ZNF146: variants seen among roughly 807,000 people sequenced by gnomAD.
ZNF146 encodes zinc finger protein 146.
Under a neutral mutation model 22.2 loss-of-function variants are expected in ZNF146, and 9 were observed. The ratio of observed to expected loss-of-function variants is 0.41; its 90% CI spans 0.24 to 0.71. ZNF146 has a LOEUF of 0.71. Ranked by LOEUF, ZNF146 falls within the 30% of genes least tolerant of loss-of-function variation. The pLI, the probability that ZNF146 is intolerant of heterozygous loss-of-function variation, is 0.34. For missense variants in ZNF146, 194 were observed against 344.8 expected, an observed-to-expected ratio of 0.56 and a Z score of 3.46; for synonymous variants, 108 against 119.2, an observed-to-expected ratio of 0.91 and a Z score of 0.61.
rs561131104 is a variant in ZNF146, at chr19:36,235,712, A to G, written c.-729A>G. On this transcript the variant is annotated 5_prime_UTR_variant, in exon 4 of 4. Coordinates refer to ENST00000443387, the MANE Select transcript of ZNF146 (RefSeq NM_007145.3). ...AGAGAGGCACCAGGACTTGAGAGGCACCAGGACTTGGGAGGCATGTTGATC... is the reference window on the plus strand; with the variant it reads ...AGAGAGGCACCAGGACTTGAGAGGCGCCAGGACTTGGGAGGCATGTTGATC... 3 of 152,414 alleles carry G rather than the reference A, an allele frequency of 2.0e-5. No homozygotes were observed. The South Asian group carries it at 6.2e-4, about 32-fold the overall frequency. The allele number at this position is 152,414 out of a possible 1,614,324, so 9.4% of individuals were successfully genotyped here. A position where few individuals can be genotyped will look rare whatever the true frequency, so the allele number is the denominator to read the frequency against.
chr19:36,221,280 ACTG>A (rs1976823195), intron 2 of ZNF146, among the ~76,000 whole-genome samples: 2 of 136,436 alleles, frequency 1.5e-5, no homozygotes, highest in East Asian at 4.3e-4. Context: ...AGGTTAAGGG[ACTG>A]CTTTTTTTTT....
chr19:36,228,174 A>AAAAAG lies in ZNF146; in HGVS notation c.-854-571_-854-570insAGAAA, dbSNP rs1555742407. ...AAACTGTCTCAAAAAAAAAAAAAAAAAAAGAAAGAATTTCACTCTCAGTAT... is the reference window on the plus strand; with the variant it reads ...AAACTGTCTCAAAAAAAAAAAAAAAAAAAAGAAAGAAAGAATTTCACTCTCAGTAT... On this transcript the variant is annotated intron_variant, in intron 2 of 3. Coordinates refer to ENST00000443387, the MANE Select transcript of ZNF146 (RefSeq NM_007145.3). Among the ~76,000 whole-genome samples, 126 of 144,296 alleles carry AAAAAG rather than the reference A, an allele frequency of 8.7e-4. 2 individuals carry two copies. Among genetic ancestry groups the AAAAAG allele is most frequent in the African/African-American group, 2.6e-3 (101 of 38,708 alleles). 94.7% of individuals were successfully genotyped at this position (144,296 alleles called of 152,430 possible).
In ZNF146 at chr19:36,234,343, G is replaced by A. The variant is rs1267225354; in HGVS notation, c.-782-1316G>A. Among the ~76,000 whole-genome samples, 8 of 141,242 alleles carry A rather than the reference G, an allele frequency of 5.7e-5. 1 individual carries two copies. In the East Asian group the frequency reaches 6.0e-4, roughly 11 times the overall value. 92.7% of individuals were successfully genotyped at this position (141,242 alleles called of 152,430 possible). ...TTTCTTTTCCCCACACAGCCTGGGCGACAGAGCAAGACTGTCTCAAAAAAA... is the reference window on the plus strand; with the variant it reads ...TTTCTTTTCCCCACACAGCCTGGGCAACAGAGCAAGACTGTCTCAAAAAAA... On this transcript the variant is annotated intron_variant, in intron 3 of 3. Transcript: ENST00000443387.
chr19:36,225,548 T>C (rs185178315), intron 2 of ZNF146, among the ~76,000 whole-genome samples: 74 of 152,116 alleles, frequency 4.9e-4, no homozygotes, highest in African/African-American at 1.7e-3. Flanking sequence ...CCTCCTAGGC[T>C]CAAGCAGTCC....
chr19:36,218,702 C>T (rs891078299), intron 2 of ZNF146, among the ~76,000 whole-genome samples: 2 of 152,088 alleles, frequency 1.3e-5, no homozygotes, highest in East Asian at 1.9e-4. Context: ...ATCTCCTGAC[C>T]TTGTGATCCA....
At chr19:36,230,356 C>T (rs1387681770) in intron 3 of ZNF146, among the ~76,000 whole-genome samples, 2 of 152,146 alleles carry the variant, frequency 1.3e-5, no homozygotes, top group African/African-American at 2.4e-5. Flanking sequence ...AAATTTCTTC[C>T]TCCTAGGGAC....
At chr19:36,216,273 AT>A (rs1486611013) in intron 1 of ZNF146, among the ~76,000 whole-genome samples, 12 of 152,216 alleles carry the variant, frequency 7.9e-5, no homozygotes, top group Non-Finnish European at 1.6e-4. Context: ...ACTAAGGGGC[AT>A]AACAAATGTG....
chr19:36,219,077 G>C (rs1228183623), intron 2 of ZNF146, among the ~76,000 whole-genome samples: 1 of 151,980 alleles, frequency 6.6e-6, no homozygotes, highest in East Asian at 1.9e-4. Flanking sequence ...CAAAGTGCTG[G>C]GATTACAGGC....
rs1977722377 is a variant in ZNF146, at chr19:36,238,386, A to C, written c.*1067A>C. On this transcript the variant is annotated 3_prime_UTR_variant, in exon 4 of 4. Transcript: ENST00000443387. ...GATAGTGGTCACCTGTGAAGAGTGG[A>C]GAAGGGAAAATAATGAGTGTGGGAG... 1 of 167,092 alleles carries C rather than the reference A, an allele frequency of 6.0e-6. No homozygotes were observed. Among genetic ancestry groups the C allele is most frequent in the South Asian group, 2.1e-4 (1 of 4,832 alleles). The allele number at this position is 167,092 out of a possible 1,614,324, so 10.4% of individuals were successfully genotyped here.
chr19:36,218,429 T>C (rs767673591), intron 2 of ZNF146, among the ~76,000 whole-genome samples: 24 of 152,110 alleles, frequency 1.6e-4, no homozygotes, highest in Non-Finnish European at 3.4e-4. Flanking sequence ...TGGTAGGAAT[T>C]TCTGAAAGAA....
chr19:36,228,202 T>A (rs59026641), intron 2 of ZNF146, among the ~76,000 whole-genome samples: 32,600 of 150,228 alleles, frequency 0.22, 3,586 homozygotes, highest in African/African-American at 0.23. Context: ...CTCAGTATAA[T>A]GCAAAGAGGG....
chr19:36,236,081 G>A lies in ZNF146; in HGVS notation c.-360G>A, dbSNP rs369193352. ...AACTGTTACTCATATGTTGCATTTC[G>A]TCGAACGTGCAAGTCATGCTGAAGA... On this transcript the variant is annotated 5_prime_UTR_variant, in exon 4 of 4. Transcript: ENST00000443387. The A allele has an allele frequency of 1.6e-5, 3 of 191,606 alleles. No homozygotes were observed. The highest frequency in any genetic ancestry group is 3.2e-5 in the Non-Finnish European group (3 of 93,592). 11.9% of individuals were successfully genotyped at this position (191,606 alleles called of 1,614,324 possible). A position where few individuals can be genotyped will look rare whatever the true frequency, so the allele number is the denominator to read the frequency against.
intron 2 of ZNF146, among the ~76,000 whole-genome samples, chr19:36,226,825 A>G (rs1977087653): frequency 6.6e-6 from 1 of 151,922 alleles, no homozygotes; most frequent in Non-Finnish European, 1.5e-5. Context: ...GTGGCTCACA[A>G]CTGTAATCCC....
intron 1 of ZNF146, among the ~76,000 whole-genome samples, chr19:36,217,885 C>CAA (rs10590776): frequency 7.5e-6 from 1 of 133,266 alleles, no homozygotes. Flanking sequence ...AACTCCATCT[C>CAA]AAAAAAAAAA....
intron 2 of ZNF146, among the ~76,000 whole-genome samples, chr19:36,226,477 G>C (rs1977072326): frequency 6.6e-6 from 1 of 152,174 alleles, no homozygotes; most frequent in African/African-American, 2.4e-5. Context: ...AGTTGGAATA[G>C]TACAGAGAAG....
chr19:36,234,610 G>T (rs1977565589), intron 3 of ZNF146, among the ~76,000 whole-genome samples: 1 of 152,132 alleles, frequency 6.6e-6, no homozygotes, highest in Non-Finnish European at 1.5e-5. Flanking sequence ...TGTTAGCCAG[G>T]ATGGTCTTGA....
chr19:36,231,929 T>G (rs1208953518), intron 3 of ZNF146, among the ~76,000 whole-genome samples: 2 of 150,842 alleles, frequency 1.3e-5, no homozygotes, highest in Non-Finnish European at 2.9e-5. Context: ...AAGGCCAGAC[T>G]CGGTGGTTCA....
chr19:36,231,841 A>G (rs1200239084), intron 3 of ZNF146, among the ~76,000 whole-genome samples: 7 of 151,986 alleles, frequency 4.6e-5, no homozygotes, highest in Admixed American at 4.6e-4. Flanking sequence ...GCGAGGCGGC[A>G]GATCTCTTGA....
intron 2 of ZNF146, among the ~76,000 whole-genome samples, chr19:36,223,280 A>G (rs1221131394): frequency 6.6e-6 from 1 of 151,044 alleles, no homozygotes; most frequent in Non-Finnish European, 1.5e-5. Context: ...TTAGCCAGTC[A>G]TTGTGGTGCA....
Sources: gnomAD v4.1 joint callset for allele counts (sites outside exome capture counted in the v4.1 genomes callset) on GRCh38, gnomAD v4.1.1 for gene constraint, MANE v1.5 for transcripts, NCBI Gene and HGNC (gene_info 2026-07-23, HGNC 2026-07-21) for gene names.